Variants in ERP27 observed in about 807,000 individuals in gnomAD.
The protein encoded by ERP27 is endoplasmic reticulum protein 27.
Under a neutral mutation model 27.7 loss-of-function variants are expected in ERP27, and 23 were observed. The observed-to-expected ratio is 0.83, with a 90% CI of 0.60 to 1.18. The LOEUF (loss-of-function observed/expected upper bound fraction) is 1.18. ERP27 is among the 50% of genes most tolerant of loss of function. The pLI, the probability that ERP27 is intolerant of heterozygous loss-of-function variation, is 0.00. For missense variants in ERP27, 363 were observed against 327.9 expected, an observed-to-expected ratio of 1.11 and a Z score of -0.83; for synonymous variants, 159 against 118.3, an observed-to-expected ratio of 1.34 and a Z score of -2.23.
chr12:14,932,700 A>G (rs1863714327), intron 3 of ERP27, among the ~76,000 whole-genome samples: 1 of 152,242 alleles, frequency 6.6e-6, no homozygotes, highest in Admixed American at 6.5e-5. Context: ...AACTGTATAT[A>G]AAGTAGTAAA....
At chr12:14,928,934 C>T (rs1863654536) in intron 3 of ERP27, 3 of 1,534,878 alleles carry the variant, frequency 2.0e-6, no homozygotes, top group South Asian at 2.4e-5. Context: ...ATACTTAATG[C>T]TGCTACCGAC....
Position 14,914,631 on chromosome 12 carries a change from T to TG in ERP27, c.*103dup. ...GTGTGCACGTGCGTGTGTGTGTGGT[T>TG]GGCAGGCCTAGTGATCCTGTTGTTT... On this transcript the variant is annotated 3_prime_UTR_variant, in exon 7 of 7. Coordinates refer to ENST00000266397, the MANE Select transcript of ERP27 (RefSeq NM_152321.4). 9.9e-7 allele frequency: 1 copy of TG among 1,014,634 alleles called. No homozygotes were observed. The highest frequency in any genetic ancestry group is 1.5e-6 in the Non-Finnish European group (1 of 667,072). The allele number at this position is 1,014,634 out of a possible 1,614,324, so 62.9% of individuals were successfully genotyped here.
chr12:14,936,125 G>A (rs946118992), intron 2 of ERP27, among the ~76,000 whole-genome samples: 1 of 151,796 alleles, frequency 6.6e-6, no homozygotes, highest in African/African-American at 2.4e-5. Context: ...TTTTGGCTTT[G>A]GTTACATTTG....
chr12:14,919,963 T>C (rs1270599225), intron 4 of ERP27, among the ~76,000 whole-genome samples: 2 of 152,074 alleles, frequency 1.3e-5, no homozygotes, highest in Admixed American at 6.5e-5. Flanking sequence ...AAAATCAATA[T>C]GAGGATTGAA....
intron 6 of ERP27, among the ~76,000 whole-genome samples, chr12:14,915,186 T>C (rs971354717): frequency 6.6e-6 from 1 of 152,220 alleles, no homozygotes; most frequent in East Asian, 1.9e-4. Context: ...GTATACAGCT[T>C]GTAATGATCA....
At chr12:14,917,933 C>T (rs1306744569) in intron 4 of ERP27, among the ~76,000 whole-genome samples, 1 of 152,208 alleles carries the variant, frequency 6.6e-6, no homozygotes, top group South Asian at 2.1e-4. Context: ...ATCTGTTTTG[C>T]AGCAATAGAC....
intron 3 of ERP27, among the ~76,000 whole-genome samples, chr12:14,925,885 T>C (rs1863593869): frequency 6.6e-6 from 1 of 152,038 alleles, no homozygotes; most frequent in Non-Finnish European, 1.5e-5. Context: ...CTGGCCAACA[T>C]GATGAAAGCC....
At chr12:14,919,066 A>G (rs1173149165) in intron 4 of ERP27, among the ~76,000 whole-genome samples, 1 of 152,186 alleles carries the variant, frequency 6.6e-6, no homozygotes, top group South Asian at 2.1e-4. Flanking sequence ...GAGTGTGTGC[A>G]TTAAAAGTGC....
intron 3 of ERP27, among the ~76,000 whole-genome samples, chr12:14,926,460 T>C (rs1307945804): frequency 1.3e-5 from 2 of 152,254 alleles, no homozygotes; most frequent in Non-Finnish European, 2.9e-5. Context: ...GTGTATTTAA[T>C]TATGCATTTT....
At position 14,927,333 on chromosome 12, in the gene ERP27, A is replaced by ATG. The variant is rs764881010; in HGVS notation, c.334-6287_334-6286dup. Among the ~76,000 whole-genome samples, 836 of 151,146 alleles carry ATG rather than the reference A, an allele frequency of 5.5e-3. 3 individuals carry two copies. Among genetic ancestry groups the ATG allele is most frequent in the African/African-American group, 0.013 (518 of 41,188 alleles). On this transcript the variant is annotated intron_variant, in intron 3 of 6. Transcript: ENST00000266397. ...TATTTGTGTGTGTGTGCGTGTGTGCATGTGTGTGTGTGTGTATATATATAT... is the reference window on the plus strand; with the variant it reads ...TATTTGTGTGTGTGTGCGTGTGTGCATGTGTGTGTGTGTGTGTATATATATAT...
chr12:14,915,900 T>C, intron 5 of ERP27: 1 of 517,658 alleles, frequency 1.9e-6, no homozygotes, highest in East Asian at 3.1e-5. Flanking sequence ...CTATTATCCT[T>C]AGCAAACTAA....
intron 3 of ERP27, among the ~76,000 whole-genome samples, chr12:14,922,800 G>A (rs555235578): frequency 6.6e-6 from 1 of 152,340 alleles, no homozygotes; most frequent in South Asian, 2.1e-4. Flanking sequence ...GGTAGGCCAG[G>A]TGCGGTGGCT....
chr12:14,937,223 A>G (rs1863785991), intron 2 of ERP27, among the ~76,000 whole-genome samples: 1 of 152,208 alleles, frequency 6.6e-6, no homozygotes, highest in African/African-American at 2.4e-5. Flanking sequence ...CAGAACTGAC[A>G]GGGTAATCAG....
intron 3 of ERP27, chr12:14,929,193 A>G (rs1863660582): frequency 5.4e-6 from 7 of 1,302,326 alleles, no homozygotes; most frequent in Non-Finnish European, 5.9e-6. Flanking sequence ...CAGAACAGGG[A>G]GAACAAGAAA....
At position 14,915,688 on chromosome 12, in the gene ERP27, T is replaced by G. The variant is rs1329664762; in HGVS notation, c.577-2A>C. On this transcript the variant is annotated splice_acceptor_variant, in intron 5 of 6. Transcript: ENST00000266397. LOFTEE classifies it high-confidence loss of function. ...ACTGTCCACCAGAATAAAGAGAATC[T>G]GCAGTTGGGGAAGTTTGAAAGAAAA... is the stretch of plus-strand genomic sequence containing the variant. The G allele has an allele frequency of 2.5e-6, 4 of 1,611,084 alleles. No homozygotes were observed. The Admixed American group carries it at 6.7e-5, about 27-fold the overall frequency.
chr12:14,918,666 A>T (rs1380817788), intron 4 of ERP27, among the ~76,000 whole-genome samples: 2 of 152,166 alleles, frequency 1.3e-5, no homozygotes, highest in Non-Finnish European at 2.9e-5. Flanking sequence ...TCTTAGGAGG[A>T]TGGGGAAGGG....
chr12:14,937,810 C>G, intron 2 of ERP27, 142 bp downstream of exon 2: 1 of 643,954 alleles, frequency 1.6e-6, no homozygotes, highest in Non-Finnish European at 2.8e-6. Context: ...TCCCAATGGA[C>G]AAGATGAAAT....
Position 14,934,907 on chromosome 12 carries a change from C to A in ERP27, c.282G>T (p.Glu94Asp). 6.2e-7 allele frequency: 1 copy of A among 1,613,960 alleles called. No individual in the cohort carries two copies. The highest frequency in any genetic ancestry group is 1.1e-5 in the South Asian group (1 of 91,076). The part of the protein sequence containing the change: ...GVSFGISTDS[E>D]VLTHYNITGN... ...CAGTGATGTTGTAGTGTGTCAGAACCTCAGAATCAGTGCTGATCCCAAATG... is the reference window on the plus strand; with the variant it reads ...CAGTGATGTTGTAGTGTGTCAGAACATCAGAATCAGTGCTGATCCCAAATG... The change falls in exon 3 of 7, where the codon GAG becomes GAT. Residue 94 changes from glutamate to aspartate, a missense_variant. Transcript: ENST00000266397.
chr12:14,922,168 A>G (rs942372911), intron 3 of ERP27, among the ~76,000 whole-genome samples: 1 of 152,094 alleles, frequency 6.6e-6, no homozygotes, highest in Non-Finnish European at 1.5e-5. Context: ...TCAGATTGGG[A>G]TTTTTGATTA....
Sources: gnomAD v4.1 joint callset for allele counts (sites outside exome capture counted in the v4.1 genomes callset) on GRCh38, gnomAD v4.1.1 for gene constraint, MANE v1.5 for transcripts, NCBI Gene and HGNC (gene_info 2026-07-23, HGNC 2026-07-21) for gene names.